The following NRK variants were observed in gnomAD, a reference collection of about 807,000 sequenced individuals.
NRK encodes nik-related protein kinase.
Under a neutral mutation model 125.2 loss-of-function variants are expected in NRK, and 67 were observed. That is an observed-to-expected ratio of 0.54 (90% CI 0.44 to 0.66). NRK has a LOEUF of 0.66. Ranked by LOEUF, NRK falls within the 30% of genes least tolerant of loss-of-function variation. The pLI is 0.00. For missense variants in NRK, 1,224 were observed against 1,192.9 expected, an observed-to-expected ratio of 1.03 and a Z score of -0.38; for synonymous variants, 458 against 429.0, an observed-to-expected ratio of 1.07 and a Z score of -0.84.
chrX:105,830,977 T>A, intron 1 of NRK, 77 bp from the exon 2 acceptor site: 3 of 599,799 alleles, frequency 5.0e-6, no homozygotes, highest in Non-Finnish European at 8.2e-6. Flanking sequence ...TTAAAGTATA[T>A]ATATTAAAAA....
At chrX:105,915,626 AT>A in intron 14 of NRK, 103 bp from the exon 15 acceptor site, 1 of 404,214 alleles carries the variant, frequency 2.5e-6, no homozygotes, top group Non-Finnish European at 4.4e-6. Flanking sequence ...TATAAGTTAG[AT>A]TTTAGGAAAA....
At chrX:105,908,338 T>C in intron 12 of NRK, 35 bp downstream of exon 12, 2 of 750,998 alleles carry the variant, frequency 2.7e-6, no homozygotes, top group Non-Finnish European at 1.9e-6. Flanking sequence ...AATTTGATGA[T>C]AGCAATTCAC....
intron 8 of NRK, 45 bp from the exon 9 acceptor site, chrX:105,900,573 A>G: frequency 1.1e-6 from 1 of 923,492 alleles, no homozygotes; most frequent in South Asian, 2.1e-5. Context: ...AATACTACCA[A>G]TTTCCTATTT....
chrX:105,829,709 C>T (rs1378498932), intron 1 of NRK, among the ~76,000 whole-genome samples: 1 of 111,390 alleles, frequency 9.0e-6, no homozygotes, highest in African/African-American at 3.3e-5. Flanking sequence ...CCTATGATGC[C>T]ACATTTAGGG....
intron 2 of NRK, among the ~76,000 whole-genome samples, chrX:105,866,289 A>G (rs1472577334): frequency 9.0e-6 from 1 of 110,701 alleles, no homozygotes. Flanking sequence ...GGACTTTAAC[A>G]TCTGCCTCGG....
At chrX:105,951,648 A>G (rs1301748515) in intron 27 of NRK, among the ~76,000 whole-genome samples, 1 of 112,252 alleles carries the variant, frequency 8.9e-6, no homozygotes, top group East Asian at 2.8e-4. Flanking sequence ...TGTTCAAATC[A>G]TTGCTCTCCA....
chrX:105,893,622 G>C (rs1245458990), intron 5 of NRK, among the ~76,000 whole-genome samples: 2 of 111,705 alleles, frequency 1.8e-5, no homozygotes, highest in Admixed American at 1.9e-4. Context: ...GAAATACCTG[G>C]CTTCTCTGCC....
Position 105,861,916 on chromosome X carries a change from AGCCGGGCGT to A in NRK, c.124-18281_124-18273del, listed in dbSNP as rs202179696. Among the ~76,000 whole-genome samples, 522 of 110,716 alleles carry A rather than the reference AGCCGGGCGT, an allele frequency of 4.7e-3. 14 individuals are homozygous for A. Among genetic ancestry groups the A allele is most frequent in the Admixed American group, 0.041 (431 of 10,452 alleles). On this transcript the variant is annotated intron_variant, in intron 2 of 28. Coordinates refer to ENST00000243300, the MANE Select transcript of NRK (RefSeq NM_198465.4). The stretch of plus-strand genomic sequence containing the variant: ...TACCAAAAATACAAAAAAAAAAATT[AGCCGGGCGT>A]GGTGGCACGCGCCTGTAATCCCAGC...
intron 9 of NRK, among the ~76,000 whole-genome samples, chrX:105,902,087 CT>C (rs774508115): frequency 4.5e-5 from 5 of 110,518 alleles, no homozygotes; most frequent in Admixed American, 9.7e-5. Flanking sequence ...CCAGTTTGTA[CT>C]TCCTGGGTCA....
intron 16 of NRK, among the ~76,000 whole-genome samples, chrX:105,920,351 G>T (rs2040423979): frequency 9.5e-6 from 1 of 105,326 alleles, no homozygotes; most frequent in Non-Finnish European, 1.9e-5. Flanking sequence ...TTGTTCTTTT[G>T]GCTTAGGATT....
At chrX:105,889,751 GC>G (rs1318588406) in intron 5 of NRK, among the ~76,000 whole-genome samples, 2 of 112,291 alleles carry the variant, frequency 1.8e-5, no homozygotes, top group Non-Finnish European at 3.8e-5. Context: ...CTGTACCTTG[GC>G]CCCTTTTAGC....
At chrX:105,942,286 T>C (rs1447934355) in intron 23 of NRK, among the ~76,000 whole-genome samples, 1 of 112,118 alleles carries the variant, frequency 8.9e-6, no homozygotes, top group African/African-American at 3.2e-5. Context: ...GTATGGTTTT[T>C]TTCTCTTGGA....
intron 9 of NRK, among the ~76,000 whole-genome samples, chrX:105,901,117 A>T (rs183783944): frequency 9.0e-6 from 1 of 110,598 alleles, no homozygotes; most frequent in Non-Finnish European, 1.9e-5. Context: ...CCAGCATTTC[A>T]TTGAAATTGA....
chrX:105,860,091 G>C (rs400049), intron 2 of NRK, among the ~76,000 whole-genome samples: 36,919 of 109,805 alleles, frequency 0.34, 5,993 homozygotes, highest in African/African-American at 0.64. Flanking sequence ...TAGGTTATCT[G>C]TTCTAATCTC....
In NRK at chrX:105,924,863, C is replaced by T; in HGVS notation, c.3144C>T (p.Ala1048=). The change falls in exon 19 of 29, where the codon GCC becomes GCT. Residue 1048 remains alanine, a synonymous_variant. Coordinates refer to ENST00000243300, the MANE Select transcript of NRK (RefSeq NM_198465.4). ...TTGGAGATCAGGAAGAACATGCAGC[C>T]AATATAGGCAGTGAAAGAAGAGGCA... ...AAIGDQEEHA[A]NIGSERRGSE... 1.7e-6 allele frequency: 2 copies of T among 1,210,594 alleles called. No individual in the cohort carries two copies. The highest frequency in any genetic ancestry group is 3.5e-5 in the African/African-American group (2 of 57,604).
intron 23 of NRK, among the ~76,000 whole-genome samples, chrX:105,943,667 T>G (rs776371531): frequency 1.7e-4 from 19 of 112,273 alleles, no homozygotes; most frequent in Non-Finnish European, 3.2e-4. Context: ...ACAGGAAAAC[T>G]TTTTCCATTT....
rs189975114 is a variant in NRK at position 105,947,093 on chromosome X, T to C, written c.4353+629T>C. On this transcript the variant is annotated intron_variant, in intron 26 of 28. Coordinates refer to ENST00000243300, the MANE Select transcript of NRK (RefSeq NM_198465.4). ...GTTCTCTTATCTGGTTAATTATAGT[T>C]AGAATTTCTGATCAAAAGATTCAGC... is the stretch of plus-strand genomic sequence containing the variant. Among the ~76,000 whole-genome samples the C allele has an allele frequency of 5.8e-3, 653 of 111,845 alleles. 7 individuals are homozygous for C. The highest frequency in any genetic ancestry group is 0.02 in the African/African-American group (626 of 30,846).
At chrX:105,921,414 T>C (rs1272320238) in intron 16 of NRK, among the ~76,000 whole-genome samples, 1 of 106,335 alleles carries the variant, frequency 9.4e-6, no homozygotes, top group East Asian at 3.0e-4. Context: ...TGCACCAGCA[T>C]GGCACATGTA....
intron 2 of NRK, among the ~76,000 whole-genome samples, chrX:105,835,800 A>G (rs1050109788): frequency 4.8e-4 from 53 of 109,764 alleles, no homozygotes; most frequent in African/African-American, 1.7e-3. Context: ...TCTCCATCAG[A>G]TCTGTACCAT....
Sources: gnomAD v4.1 joint callset for allele counts (sites outside exome capture counted in the v4.1 genomes callset) on GRCh38, gnomAD v4.1.1 for gene constraint, MANE v1.5 for transcripts, NCBI Gene and HGNC (gene_info 2026-07-23, HGNC 2026-07-21) for gene names.